IQSEC1: variants seen among roughly 807,000 people sequenced by gnomAD.
IQSEC1 encodes the protein IQ motif and Sec7 domain ArfGEF 1.
In IQSEC1, 31 loss-of-function variants were observed where a neutral mutation model predicts 91.0. That is an observed-to-expected ratio of 0.34 (90% CI 0.26 to 0.46). The LOEUF is 0.46. Ranked by LOEUF, IQSEC1 falls within the 20% of genes least tolerant of loss-of-function variation. The pLI, the probability that IQSEC1 is intolerant of heterozygous loss-of-function variation, is 1.00. For synonymous variants in IQSEC1, 699 were observed against 662.6 expected (o/e 1.05, Z -0.84); for missense variants, 1,388 against 1,575.6 (o/e 0.88, Z 2.02).
At chr3:13,108,883 G>A (rs531052388) in intron 2 of IQSEC1, among the ~76,000 whole-genome samples, 1 of 152,226 alleles carries the variant, frequency 6.6e-6, no homozygotes, top group East Asian at 1.9e-4. Context: ...GGGGTAGGGG[G>A]ACCTGCAGGT....
intron 1 of IQSEC1, among the ~76,000 whole-genome samples, chr3:13,015,132 C>G (rs1703059379): frequency 6.6e-6 from 1 of 152,188 alleles, no homozygotes; most frequent in African/African-American, 2.4e-5. Flanking sequence ...CTTCTGAGGG[C>G]CTCTGAGGAC....
At chr3:13,018,655 G>A (rs980486174) in intron 1 of IQSEC1, among the ~76,000 whole-genome samples, 2 of 152,190 alleles carry the variant, frequency 1.3e-5, no homozygotes, top group African/African-American at 4.8e-5. Context: ...GCAGGGAGGG[G>A]AGGGGCGGGG....
rs1362450288 is a variant in IQSEC1, at chr3:12,994,160, C to G, written c.24-52295G>C. ...CCCCAGAGCGTCCGGTGGCCGGGCG[C>G]GGGGGGGCGGGGGCGGGCGCTCGGG... On this transcript the variant is annotated intron_variant, in intron 1 of 13. Coordinates refer to ENST00000613206, the MANE Select transcript of IQSEC1 (RefSeq NM_001134382.3). The surrounding 1 kb of genome is among the most constrained non-coding windows in gnomAD (Gnocchi z 4.5). Among the ~76,000 whole-genome samples the G allele has an allele frequency of 1.4e-5, 2 of 146,222 alleles. No homozygotes were observed. Among genetic ancestry groups the G allele is most frequent in the Non-Finnish European group, 3.0e-5 (2 of 65,794 alleles).
chr3:13,052,269 C>T (rs1704718946), intron 1 of IQSEC1, among the ~76,000 whole-genome samples: 1 of 152,228 alleles, frequency 6.6e-6, no homozygotes, highest in Non-Finnish European at 1.5e-5. Context: ...ATATTTTCAT[C>T]TCTCAAGTGC....
intron 3 of IQSEC1, among the ~76,000 whole-genome samples, chr3:12,933,500 G>C (rs903630850): frequency 6.6e-6 from 1 of 152,244 alleles, no homozygotes; most frequent in African/African-American, 2.4e-5. Flanking sequence ...TACATAGTAA[G>C]GCCCTATCCT....
intron 1 of IQSEC1, among the ~76,000 whole-genome samples, chr3:13,260,763 C>T (rs976065406): frequency 9.0e-5 from 13 of 144,898 alleles, no homozygotes; most frequent in African/African-American, 1.5e-4. Context: ...GCAGGGTGCA[C>T]GGGGCGTGGA....
At position 13,276,246 on chromosome 3, in the gene IQSEC1, G is replaced by A. The variant is rs575856487; in HGVS notation, c.272+6465C>T. On this transcript the variant is annotated intron_variant, in intron 1 of 15. Coordinates refer to the IQSEC1 transcript ENST00000648114. ...TGGGACTACAGGCGCCTGCCACTGC[G>A]CCAGGCTAATTTTTTGTATTTTTAG... Among the ~76,000 whole-genome samples, 5 of 151,768 alleles carry A rather than the reference G, an allele frequency of 3.3e-5. No individual in the cohort carries two copies. The East Asian group carries it at 7.8e-4, about 24-fold the overall frequency.
chr3:13,127,535 TAA>T (rs1706537877), intron 2 of IQSEC1, among the ~76,000 whole-genome samples: 2 of 152,304 alleles, frequency 1.3e-5, no homozygotes, highest in South Asian at 4.2e-4. Context: ...AGCTATATAT[TAA>T]GTCTTAACAT....
At chr3:13,142,550 C>T (rs911298693) in intron 2 of IQSEC1, among the ~76,000 whole-genome samples, 47 of 152,348 alleles carry the variant, frequency 3.1e-4, no homozygotes, top group African/African-American at 9.9e-4. Context: ...CCCTCACCAG[C>T]CTGCTTTCCG....
chr3:13,012,811 C>G (rs1393503146), intron 1 of IQSEC1, among the ~76,000 whole-genome samples: 4 of 152,160 alleles, frequency 2.6e-5, no homozygotes, highest in Non-Finnish European at 5.9e-5. Context: ...AATGAAACCC[C>G]TTTTCTGCTT....
chr3:13,085,457 G>A (rs751786903), intron 2 of IQSEC1, among the ~76,000 whole-genome samples: 2 of 151,346 alleles, frequency 1.3e-5, no homozygotes, highest in Non-Finnish European at 3.0e-5. Context: ...TTCAATACTC[G>A]TTCAATCCTG....
rs747052224 is a variant in IQSEC1 at position 12,915,745 on chromosome 3, A to T, written c.2021-12T>A. 2 of 1,612,744 alleles carry T rather than the reference A, an allele frequency of 1.2e-6. No individual in the cohort carries two copies. The highest frequency in any genetic ancestry group is 2.2e-5 in the South Asian group (2 of 91,046). On this transcript the variant is annotated splice_polypyrimidine_tract_variant and intron_variant, in intron 6 of 13. Transcript: ENST00000613206. Reference sequence around the variant, plus strand: ...ACCATCGTCCACACCTGGGTAGGGGATGCAGCTGGATATCAGGGTGGGCCC... The same window carrying T: ...ACCATCGTCCACACCTGGGTAGGGGTTGCAGCTGGATATCAGGGTGGGCCC...
chr3:12,899,353 G>A lies in IQSEC1; in HGVS notation c.*1630C>T, dbSNP rs369268061. 21 of 1,608,712 alleles carry A rather than the reference G, an allele frequency of 1.3e-5. No homozygotes were observed. Among genetic ancestry groups the A allele is most frequent in the Non-Finnish European group, 1.6e-5 (19 of 1,177,828 alleles). ...GCCCTTTCTGAAAGGGCCTCCGCCT[G>A]GGCAGGCGCCGGGGGGCAGTCCTCG... On this transcript the variant is annotated 3_prime_UTR_variant, in exon 14 of 14. Transcript: ENST00000613206.
intron 1 of IQSEC1, among the ~76,000 whole-genome samples, chr3:13,002,903 T>C (rs1041249546): frequency 7.9e-5 from 12 of 152,332 alleles, no homozygotes; most frequent in African/African-American, 2.9e-4. Context: ...GCAGCCACTT[T>C]GGAAAACAGT....
chr3:13,161,033 G>GC (rs1373126698), intron 2 of IQSEC1, among the ~76,000 whole-genome samples: 1 of 152,220 alleles, frequency 6.6e-6, no homozygotes, highest in African/African-American at 2.4e-5. Context: ...AAAGGCAGCT[G>GC]CCATGGGGGC....
intron 2 of IQSEC1, among the ~76,000 whole-genome samples, chr3:13,096,923 C>T (rs1175638702): frequency 1.3e-5 from 2 of 150,860 alleles, no homozygotes; most frequent in East Asian, 3.9e-4. Context: ...TGCGGTGGCG[C>T]GATCTCGGCT....
At chr3:12,907,296 G>A (rs1450271646) in intron 12 of IQSEC1, among the ~76,000 whole-genome samples, 50 of 152,242 alleles carry the variant, frequency 3.3e-4, no homozygotes, top group Non-Finnish European at 2.9e-5. Flanking sequence ...GAGGGACTAA[G>A]CTGAGGGGAG....
At chr3:13,099,409 T>C (rs1706020736) in intron 2 of IQSEC1, among the ~76,000 whole-genome samples, 1 of 152,074 alleles carries the variant, frequency 6.6e-6, no homozygotes, top group Admixed American at 6.5e-5. Flanking sequence ...GTAGGAAAAA[T>C]GGTTTTTAGG....
chr3:13,252,730 T>TTTCTTTTTG (rs1695217997), intron 1 of IQSEC1, among the ~76,000 whole-genome samples: 2 of 150,844 alleles, frequency 1.3e-5, no homozygotes, highest in African/African-American at 4.9e-5. Context: ...TTTTTTTTGT[T>TTTCTTTTTG]TTTGTTTGTT....
Sources: allele counts gnomAD v4.1 joint callset (sites outside exome capture counted in the v4.1 genomes callset), GRCh38; gene constraint gnomAD v4.1.1; non-coding constraint Gnocchi (gnomAD v3.1); transcripts MANE v1.5; gene names NCBI Gene and HGNC (gene_info 2026-07-23, HGNC 2026-07-21).